Variants in ZNF654 observed in about 807,000 individuals in gnomAD.
The protein encoded by ZNF654 is zinc finger protein 654, also known as melanoma-associated antigen.
In ZNF654, 19 loss-of-function variants were observed where a neutral mutation model predicts 95.3. The ratio of observed to expected loss-of-function variants is 0.20; its 90% CI spans 0.14 to 0.29. The LOEUF (loss-of-function observed/expected upper bound fraction) is 0.29. Ranked by LOEUF, ZNF654 falls within the 10% of genes least tolerant of loss-of-function variation. The pLI is 1.00. For missense variants in ZNF654, 1,046 were observed against 1,341.0 expected (o/e 0.78, Z 3.44); for synonymous variants, 413 against 457.9 (o/e 0.90, Z 1.25).
rs1707216669 is a variant in ZNF654 at position 88,143,349 on chromosome 3, T to G, written c.*1697T>G. 1.3e-5 allele frequency: 2 copies of G among 152,274 alleles called. No homozygotes were observed. Among genetic ancestry groups the G allele is most frequent in the Non-Finnish European group, 3.0e-5 (2 of 67,744 alleles). The allele number at this position is 152,274 out of a possible 1,614,324, so 9.4% of individuals were successfully genotyped here. A position where few individuals can be genotyped will look rare whatever the true frequency, so the allele number is the denominator to read the frequency against. On this transcript the variant is annotated 3_prime_UTR_variant, in exon 9 of 9. Transcript: ENST00000636215. The stretch of plus-strand genomic sequence containing the variant: ...ATGTAGCCTATATTAGGCTGTGGAA[T>G]TTACATTTAGGTAACTAAACACAGC...
rs1031814245 is a variant in ZNF654 at position 88,143,174 on chromosome 3, A to G, written c.*1522A>G. On this transcript the variant is annotated 3_prime_UTR_variant, in exon 9 of 9. Transcript: ENST00000636215. ...CGGAAGTGGGGAATTTCTTCCAGGT[A>G]GCATCCATATTTTATTAAATTAGGA... 2.6e-5 allele frequency: 4 copies of G among 152,296 alleles called. No homozygotes were observed. The highest frequency in any genetic ancestry group is 9.7e-5 in the African/African-American group (4 of 41,434). 9.4% of individuals were successfully genotyped at this position (152,296 alleles called of 1,614,324 possible). A position where few individuals can be genotyped will look rare whatever the true frequency, so the allele number is the denominator to read the frequency against.
chr3:88,111,759 G>A (rs1416559722), intron 2 of ZNF654, among the ~76,000 whole-genome samples: 1 of 151,942 alleles, frequency 6.6e-6, no homozygotes, highest in African/African-American at 2.4e-5. Context: ...ATTGTGATGA[G>A]TATAGGAACA....
At position 88,139,068 on chromosome 3, in the gene ZNF654, G is replaced by A; in HGVS notation, c.1399G>A (p.Asp467Asn). ...GAAAAACTGTGTAGCATTATTGAGT[G>A]ATAAATCAGCAGTTAGATTTCTAAA... Reference protein sequence around the residue: ...IKKNCVALLSDKSAVRFLNES... With the variant: ...IKKNCVALLSNKSAVRFLNES... Residue 467 changes from aspartate (D) to asparagine (N), a missense_variant, in exon 8 of 9, where the codon GAT becomes AAT. Physicochemically the swap from Asp to Asn is conservative, Grantham distance 23 (BLOSUM62 1). Coordinates refer to ENST00000636215, the MANE Select transcript of ZNF654 (RefSeq NM_001350134.2). 1.6e-6 allele frequency: 2 copies of A among 1,264,558 alleles called. No homozygotes were observed. Among genetic ancestry groups the A allele is most frequent in the Non-Finnish European group, 2.0e-6 (2 of 1,007,782 alleles). The allele number at this position is 1,264,558 out of a possible 1,614,324, so 78.3% of individuals were successfully genotyped here. A position where few individuals can be genotyped will look rare whatever the true frequency, so the allele number is the denominator to read the frequency against.
Position 88,128,998 on chromosome 3 carries a change from A to C in ZNF654, c.740A>C (p.Gln247Pro). The C allele has an allele frequency of 6.5e-7, 1 of 1,533,006 alleles. No homozygotes were observed. The highest frequency in any genetic ancestry group is 8.7e-7 in the Non-Finnish European group (1 of 1,145,192). 95.0% of individuals were successfully genotyped at this position (1,533,006 alleles called of 1,614,324 possible). The change falls in exon 5 of 9, where the codon CAG becomes CCG. Residue 247 changes from glutamine (Q) to proline (P), a missense_variant. This residue lies in a region of ZNF654 where 121 missense variants were observed against 141.7 expected (regional missense o/e 0.85). Transcript: ENST00000636215. Reference sequence around the variant, plus strand: ...CTGTTTATGTCACCTGTAGAAGATCAGCTATTCCGGGAGGTATTGTTTGAG... The same window carrying C: ...CTGTTTATGTCACCTGTAGAAGATCCGCTATTCCGGGAGGTATTGTTTGAG... ...TCLFMSPVEDQLFREHLLKTD... is the reference protein window; with the variant it reads ...TCLFMSPVEDPLFREHLLKTD...
At chr3:88,084,390 C>G (rs1294241414) in intron 1 of ZNF654, among the ~76,000 whole-genome samples, 1 of 152,102 alleles carries the variant, frequency 6.6e-6, no homozygotes, top group Admixed American at 6.6e-5. Context: ...CAGAGAAAGG[C>G]AATAAAGCTG....
At chr3:88,127,310 G>A (rs1028533098) in intron 4 of ZNF654, among the ~76,000 whole-genome samples, 21 of 152,122 alleles carry the variant, frequency 1.4e-4, no homozygotes, top group African/African-American at 4.6e-4. Context: ...GCAGTTAAGT[G>A]GAGGAGGAGC....
Position 88,140,328 on chromosome 3 carries a change from G to C in ZNF654, c.2659G>C (p.Asp887His). ...SAQPSETILW[D>H]VQTDSNPNQE... ...ACAACCAAGTGAAACAATTCTTTGG[G>C]ATGTTCAGACAGACTCAAATCCTAA... Residue 887 changes from aspartate (D) to histidine (H), a missense_variant, in exon 8 of 9, where the codon GAT (aspartate) becomes CAT (histidine). By Grantham distance (81) the Asp-to-His change is moderately conservative. Coordinates refer to ENST00000636215, the MANE Select transcript of ZNF654 (RefSeq NM_001350134.2). 1 of 1,613,556 alleles carries C rather than the reference G, an allele frequency of 6.2e-7. No individual in the cohort carries two copies.
At chr3:88,115,813 T>C (rs1705354267) in intron 3 of ZNF654, among the ~76,000 whole-genome samples, 1 of 152,066 alleles carries the variant, frequency 6.6e-6, no homozygotes. Context: ...TCATCATCAT[T>C]ATATCTAGCA....
intron 6 of ZNF654, among the ~76,000 whole-genome samples, chr3:88,131,731 G>T (rs1284794565): frequency 6.6e-6 from 1 of 152,016 alleles, no homozygotes; most frequent in African/African-American, 2.4e-5. Flanking sequence ...AATAGCGTGG[G>T]TTATGATGGC....
chr3:88,106,156 T>TA (rs1162205807), intron 2 of ZNF654, among the ~76,000 whole-genome samples: 1 of 152,210 alleles, frequency 6.6e-6, no homozygotes, highest in Admixed American at 6.5e-5. Context: ...GGTACTCTGT[T>TA]ACAGCTGTAC....
At chr3:88,088,635 C>T (rs1021741190) in intron 2 of ZNF654, among the ~76,000 whole-genome samples, 18 of 151,816 alleles carry the variant, frequency 1.2e-4, no homozygotes, top group African/African-American at 3.1e-4. Flanking sequence ...GTACACTGTG[C>T]GTCTTTAAAA....
intron 2 of ZNF654, among the ~76,000 whole-genome samples, chr3:88,107,495 T>C (rs1214709200): frequency 6.6e-6 from 1 of 152,190 alleles, no homozygotes; most frequent in Non-Finnish European, 1.5e-5. Flanking sequence ...TTTATCTCTA[T>C]TGGCATTTTC....
At chr3:88,086,696 A>G (rs761917922) in intron 2 of ZNF654, among the ~76,000 whole-genome samples, 1 of 152,206 alleles carries the variant, frequency 6.6e-6, no homozygotes, top group Non-Finnish European at 1.5e-5. Context: ...GGTAAGTCCC[A>G]GAATACAGCA....
chr3:88,130,226 TTC>T (rs1397192265), intron 6 of ZNF654, among the ~76,000 whole-genome samples: 1 of 152,104 alleles, frequency 6.6e-6, no homozygotes, highest in Admixed American at 6.6e-5. Flanking sequence ...TATTAAGAAT[TTC>T]TGTTTCCTCA....
chr3:88,120,074 TA>T (rs57135246), intron 3 of ZNF654, among the ~76,000 whole-genome samples: 1,617 of 151,250 alleles, frequency 0.011, 26 homozygotes, highest in African/African-American at 0.036. Flanking sequence ...TCTACTTATT[TA>T]AAAAAAAATC....
chr3:88,083,069 T>G (rs748908122), intron 1 of ZNF654, among the ~76,000 whole-genome samples: 2 of 151,374 alleles, frequency 1.3e-5, no homozygotes, highest in Non-Finnish European at 2.9e-5. Flanking sequence ...CTCCCTCTTC[T>G]TCCTCACTCT....
intron 2 of ZNF654, among the ~76,000 whole-genome samples, chr3:88,103,424 C>A (rs1376136117): frequency 2.0e-5 from 3 of 152,024 alleles, no homozygotes; most frequent in Admixed American, 1.3e-4. Flanking sequence ...AATGTAGATT[C>A]ATAGAAATAC....
chr3:88,060,302 C>G (rs183419711), intron 1 of ZNF654, among the ~76,000 whole-genome samples: 1 of 152,134 alleles, frequency 6.6e-6, no homozygotes, highest in Non-Finnish European at 1.5e-5. Context: ...AAATTATTTA[C>G]TCAGTCGACC....
At chr3:88,109,234 ATATT>A (rs1210906769) in intron 2 of ZNF654, among the ~76,000 whole-genome samples, 1 of 151,794 alleles carries the variant, frequency 6.6e-6, no homozygotes, top group Non-Finnish European at 1.5e-5. Flanking sequence ...ACTGAAGAAA[ATATT>A]TTGAAGATTA....
Sources: allele counts gnomAD v4.1 joint callset (sites outside exome capture counted in the v4.1 genomes callset), GRCh38; gene constraint gnomAD v4.1.1; regional missense constraint gnomAD v4.1.1; transcripts MANE v1.5; gene names NCBI Gene and HGNC (gene_info 2026-07-23, HGNC 2026-07-21).